Variants in NOD2 observed in about 807,000 individuals in gnomAD.
The protein encoded by NOD2 is nucleotide binding oligomerization domain containing 2.
Under a neutral mutation model 90.9 loss-of-function variants are expected in NOD2, and 86 were observed. That is an observed-to-expected ratio of 0.95 (90% CI 0.79 to 1.13). The LOEUF is 1.13. NOD2 is among the 50% of genes most tolerant of loss of function. The probability of loss-of-function intolerance (pLI) is 0.00; values close to 1 mark genes in which losing one functional copy is unlikely to be tolerated. For synonymous variants in NOD2, 581 were observed against 554.6 expected (o/e 1.05, Z -0.67); for missense variants, 1,238 against 1,283.8 (o/e 0.96, Z 0.55).
In NOD2 at chr16:50,699,505, CAGG is replaced by C; in HGVS notation, c.14_16del (p.Glu5del). 1.2e-6 allele frequency: 2 copies of C among 1,613,486 alleles called. No homozygotes were observed. The highest frequency in any genetic ancestry group is 1.3e-5 in the African/African-American group (1 of 75,026). On this transcript the variant is annotated inframe_deletion, in exon 2 of 12. Coordinates refer to ENST00000647318, the MANE Select transcript of NOD2 (RefSeq NM_001370466.1). ...CTCCCCAGGTTGTGAAATGTGCTCG[CAGG>C]AGGCTTTTCAGGCACAGAGGAGCCA...
Position 50,723,397 on chromosome 16 carries a change from G to T in NOD2, c.2801+13G>T. 2 of 1,612,270 alleles carry T rather than the reference G, an allele frequency of 1.2e-6. No homozygotes were observed. Among genetic ancestry groups the T allele is most frequent in the Non-Finnish European group, 8.5e-7 (1 of 1,178,506 alleles). On this transcript the variant is annotated intron_variant, in intron 9 of 11. Transcript: ENST00000647318. ...TAGAAGAACTCTGGTGAGTTTGGGG[G>T]ATTCTCTGCTCTGGGGAAGTGGATC...
intron 2 of NOD2, among the ~76,000 whole-genome samples, chr16:50,707,513 A>G (rs1365253736): frequency 6.6e-6 from 1 of 152,212 alleles, no homozygotes; most frequent in African/African-American, 2.4e-5. Context: ...CAAATATTCA[A>G]TCCATGAGAC....
At chr16:50,708,400 C>T (rs906800282) in intron 3 of NOD2, among the ~76,000 whole-genome samples, 11 of 152,166 alleles carry the variant, frequency 7.2e-5, no homozygotes, top group Admixed American at 2.6e-4. Flanking sequence ...CCCAGGGTCA[C>T]CACCCAAACT....
chr16:50,699,628 G>A lies in NOD2; in HGVS notation c.133G>A (p.Glu45Lys), dbSNP rs760069458. The A allele has an allele frequency of 3.9e-5, 63 of 1,613,948 alleles. 2 individuals carry two copies. The South Asian group carries it at 4.6e-4, about 12-fold the overall frequency. ...GGAGGTCCTCTCCTGGGAGGACTAC[G>A]AGGGCTTCCACCTCCTGGGCCAGCC... is the stretch of plus-strand genomic sequence containing the variant. ...SWEVLSWEDY[E>K]GFHLLGQPLS... is the part of the protein sequence containing the mutation. The change falls in exon 2 of 12, where the codon GAG (glutamate) becomes AAG (lysine). Residue 45 changes from glutamate to lysine, a missense_variant. Coordinates refer to ENST00000647318, the MANE Select transcript of NOD2 (RefSeq NM_001370466.1).
In NOD2 at chr16:50,729,786, CTTGAAGCTCACCA is replaced by C; in HGVS notation, c.2886-28_2886-16del. On this transcript the variant is annotated intron_variant, in intron 10 of 11. Coordinates refer to ENST00000647318, the MANE Select transcript of NOD2 (RefSeq NM_001370466.1). ...AGTTTCAAGAGGAAAACCAAGAATC[CTTGAAGCTCACCA>C]TTGTATCTTCTTTTCCAGGTTGTCC... The C allele has an allele frequency of 2.5e-6, 4 of 1,587,218 alleles. No homozygotes were observed. Among genetic ancestry groups the C allele is most frequent in the Non-Finnish European group, 3.5e-6 (4 of 1,157,020 alleles).
In NOD2 at chr16:50,710,904, C is replaced by G. The variant is rs1392970712; in HGVS notation, c.912C>G (p.Phe304Leu). ...AGGAATTTCTCTTTGTCTTCCCATT[C>G]AGCTGCCGGCAGCTGCAGTGCATGG... is the stretch of plus-strand genomic sequence containing the variant. ...DFQEFLFVFP[F>L]SCRQLQCMAK... The change falls in exon 4 of 12, where the codon TTC (phenylalanine) becomes TTG (leucine). Residue 304 changes from phenylalanine to leucine, a missense_variant. By Grantham distance (22) the Phe-to-Leu change is conservative. Coordinates refer to ENST00000647318, the MANE Select transcript of NOD2 (RefSeq NM_001370466.1). 1 of 1,614,172 alleles carries G rather than the reference C, an allele frequency of 6.2e-7. No individual in the cohort carries two copies. Among genetic ancestry groups the G allele is most frequent in the Non-Finnish European group, 8.5e-7 (1 of 1,180,036 alleles).
At chr16:50,727,069 G>T (rs1477809223) in intron 10 of NOD2, among the ~76,000 whole-genome samples, 1 of 151,450 alleles carries the variant, frequency 6.6e-6, no homozygotes, top group Non-Finnish European at 1.5e-5. Flanking sequence ...GAACCTGGGA[G>T]GTGGAGGTTG....
rs561788975 is a variant in NOD2 at position 50,718,338 on chromosome 16, T to A, written c.2549+1364T>A. Among the ~76,000 whole-genome samples the A allele has an allele frequency of 3.3e-5, 5 of 152,324 alleles. 1 individual carries two copies. Among genetic ancestry groups the A allele is most frequent in the African/African-American group, 1.2e-4 (5 of 41,572 alleles). On this transcript the variant is annotated intron_variant, in intron 6 of 11. Coordinates refer to ENST00000647318, the MANE Select transcript of NOD2 (RefSeq NM_001370466.1). The stretch of plus-strand genomic sequence containing the variant: ...GGATGTCAGGAGCAGACGATCTTGA[T>A]GATTACCAAATGGGAGCGTATAGAG...
chr16:50,730,092 G>C (rs1293048284), intron 11 of NOD2, 191 bp downstream of exon 11: 1 of 540,402 alleles, frequency 1.9e-6, no homozygotes, highest in Non-Finnish European at 3.4e-6. Context: ...CTTTAAGTAG[G>C]GAGCAATGAT....
chr16:50,704,076 C>T (rs781000214), intron 2 of NOD2, among the ~76,000 whole-genome samples: 12 of 152,154 alleles, frequency 7.9e-5, no homozygotes, highest in Admixed American at 2.0e-4. Flanking sequence ...TGAAAAGAAA[C>T]GATATTAGTT....
intron 2 of NOD2, among the ~76,000 whole-genome samples, chr16:50,705,781 G>A (rs532367479): frequency 3.3e-5 from 5 of 152,220 alleles, no homozygotes; most frequent in South Asian, 2.1e-4. Flanking sequence ...TCCTCAGTCC[G>A]TTACTATTCA....
chr16:50,694,538 C>T (rs1034023414), intron 1 of NOD2, among the ~76,000 whole-genome samples: 1 of 152,198 alleles, frequency 6.6e-6, no homozygotes, highest in Non-Finnish European at 1.5e-5. Context: ...TCATCCAGCC[C>T]ACCTCCCTCC....
At chr16:50,695,259 T>TA (rs35832802) in intron 1 of NOD2, among the ~76,000 whole-genome samples, 2 of 151,470 alleles carry the variant, frequency 1.3e-5, no homozygotes, top group Non-Finnish European at 2.9e-5. Context: ...CAGAGGTGGT[T>TA]AAAAAAAAGA....
chr16:50,728,118 G>T, intron 10 of NOD2: 1 of 211,242 alleles, frequency 4.7e-6, no homozygotes, highest in Non-Finnish European at 9.8e-6. Flanking sequence ...ACTTATCGAG[G>T]TTTTTCACCT....
At chr16:50,694,007 T>C (rs1963531811) in intron 1 of NOD2, among the ~76,000 whole-genome samples, 1 of 152,094 alleles carries the variant, frequency 6.6e-6, no homozygotes. Context: ...TATGGGAATC[T>C]CCTGCCTCCT....
intron 7 of NOD2, 35 bp from the exon 8 acceptor site, chr16:50,722,587 C>T (rs1468315119): frequency 1.3e-6 from 2 of 1,591,950 alleles, no homozygotes; most frequent in Non-Finnish European, 1.7e-6. Context: ...CAGGTACTCA[C>T]TGACACTGTC....
In NOD2 at chr16:50,719,961, A is replaced by C. The variant is rs764244331; in HGVS notation, c.2586A>C (p.Gln862His). 2.0e-5 allele frequency: 33 copies of C among 1,614,194 alleles called. No homozygotes were observed. The Admixed American group carries it at 5.5e-4, about 27-fold the overall frequency. Residue 862 changes from glutamine to histidine, a missense_variant, in exon 7 of 12, where the codon CAA (glutamine) becomes CAC (histidine). Physicochemically the swap from Gln to His is conservative, Grantham distance 24 (BLOSUM62 0). Coordinates refer to ENST00000647318, the MANE Select transcript of NOD2 (RefSeq NM_001370466.1). The part of the protein sequence containing the change: ...GNNYITAAGA[Q>H]VLAEGLRGNT... Reference sequence around the variant, plus strand: ...ACTACATCACTGCCGCGGGAGCCCAAGTGCTGGCCGAGGGGCTCCGAGGCA... The same window carrying C: ...ACTACATCACTGCCGCGGGAGCCCACGTGCTGGCCGAGGGGCTCCGAGGCA...
At chr16:50,701,443 G>T (rs1963934789) in intron 2 of NOD2, among the ~76,000 whole-genome samples, 1 of 152,208 alleles carries the variant, frequency 6.6e-6, no homozygotes, top group Admixed American at 6.5e-5. Flanking sequence ...AAATAAATTT[G>T]TCTTCAAGGC....
chr16:50,731,015 T>A (rs1439896206), intron 11 of NOD2, among the ~76,000 whole-genome samples: 1 of 151,986 alleles, frequency 6.6e-6, no homozygotes, highest in Admixed American at 6.6e-5. Flanking sequence ...ACCTTGTCTC[T>A]CAAAAAATAA....
Sources: allele counts gnomAD v4.1 joint callset (sites outside exome capture counted in the v4.1 genomes callset), GRCh38; gene constraint gnomAD v4.1.1; transcripts MANE v1.5; gene names NCBI Gene and HGNC (gene_info 2026-07-23, HGNC 2026-07-21).